The following PCDH15 variants were observed in gnomAD, a reference collection of about 807,000 sequenced individuals.
PCDH15 encodes protocadherin related 15.
In PCDH15, 129 loss-of-function variants were observed where a neutral mutation model predicts 178.5. The ratio of observed to expected loss-of-function variants is 0.72; its 90% CI spans 0.63 to 0.84. The LOEUF is 0.84. PCDH15 is among the 40% of genes least tolerant of loss of function. The pLI, the probability that PCDH15 is intolerant of heterozygous loss-of-function variation, is 0.00. For synonymous variants in PCDH15, 800 were observed against 732.0 expected (o/e 1.09, Z -1.50); for missense variants, 2,230 against 2,099.9 (o/e 1.06, Z -1.21).
At chr10:55,234,621 T>C (rs1016770303) in intron 1 of PCDH15, among the ~76,000 whole-genome samples, 5 of 152,004 alleles carry the variant, frequency 3.3e-5, no homozygotes, top group Admixed American at 2.6e-4. Context: ...CCTCAAGCAA[T>C]CCACCTACCT....
At chr10:55,001,718 G>A (rs1839800102) in intron 2 of PCDH15, among the ~76,000 whole-genome samples, 2 of 152,072 alleles carry the variant, frequency 1.3e-5, no homozygotes, top group African/African-American at 4.8e-5. Flanking sequence ...ATCCAGGCTG[G>A]TAGCACAATC....
intron 8 of PCDH15, among the ~76,000 whole-genome samples, chr10:54,259,175 T>A (rs1387786362): frequency 6.6e-6 from 1 of 152,194 alleles, no homozygotes; most frequent in Admixed American, 6.6e-5. Context: ...AGTAATAAAT[T>A]GCATGGCATT....
chr10:55,551,222 T>C (rs1841997540), intron 2 of PCDH15, among the ~76,000 whole-genome samples: 1 of 152,042 alleles, frequency 6.6e-6, no homozygotes, highest in Non-Finnish European at 1.5e-5. Flanking sequence ...AAATAGAAGC[T>C]ATCTGTAGTA....
At chr10:55,028,323 A>C (rs995666334) in intron 2 of PCDH15, among the ~76,000 whole-genome samples, 14 of 152,030 alleles carry the variant, frequency 9.2e-5, no homozygotes, top group Middle Eastern at 3.4e-3. Flanking sequence ...ATAAAAAGTA[A>C]GTAAATCTAA....
intron 14 of PCDH15, among the ~76,000 whole-genome samples, chr10:54,141,792 G>T (rs1459992867): frequency 2.0e-5 from 3 of 152,152 alleles, no homozygotes; most frequent in Non-Finnish European, 4.4e-5. Flanking sequence ...GTGTTGCACT[G>T]GTTTGAAGAG....
chr10:54,228,979 A>C (rs1462258436), intron 9 of PCDH15, among the ~76,000 whole-genome samples: 3 of 152,188 alleles, frequency 2.0e-5, no homozygotes, highest in African/African-American at 7.2e-5. Flanking sequence ...TTTAGTTTAC[A>C]TTTGGCCAGT....
At chr10:55,190,225 G>C (rs139456301) in intron 1 of PCDH15, among the ~76,000 whole-genome samples, 1 of 151,050 alleles carries the variant, frequency 6.6e-6, no homozygotes, top group African/African-American at 2.4e-5. Flanking sequence ...AGTCAGAATA[G>C]TGTTACATAT....
At position 55,035,356 on chromosome 10, in the gene PCDH15, T is replaced by C. The variant is rs1019759147; in HGVS notation, c.-80+131220A>G. Among the ~76,000 whole-genome samples, 46 of 152,172 alleles carry C rather than the reference T, an allele frequency of 3.0e-4. 1 individual carries two copies. The highest frequency in any genetic ancestry group is 6.2e-4 in the Non-Finnish European group (42 of 68,014). ...AAAACTTCCTGGGCATAGCCTATCTTGTCTTTCCTTACACTGATTCATTTT... is the reference window on the plus strand; with the variant it reads ...AAAACTTCCTGGGCATAGCCTATCTCGTCTTTCCTTACACTGATTCATTTT... On this transcript the variant is annotated intron_variant, in intron 2 of 5. Transcript: ENST00000458638.
intron 2 of PCDH15, among the ~76,000 whole-genome samples, chr10:54,948,001 C>A (rs1414303830): frequency 6.6e-6 from 1 of 151,830 alleles, no homozygotes; most frequent in Non-Finnish European, 1.5e-5. Context: ...TCTTCATAGA[C>A]TATTTGTATA....
chr10:53,878,364 T>C (rs901989363), intron 26 of PCDH15, among the ~76,000 whole-genome samples: 2 of 119,700 alleles, frequency 1.7e-5, no homozygotes, highest in African/African-American at 9.3e-5. Context: ...TATATACTCA[T>C]ATAATATATT....
intron 2 of PCDH15, among the ~76,000 whole-genome samples, chr10:55,341,142 C>T (rs1174948512): frequency 1.3e-5 from 2 of 151,800 alleles, no homozygotes; most frequent in Non-Finnish European, 1.5e-5. Context: ...ATATAATACC[C>T]TTGGTACAAA....
chr10:54,378,865 C>T lies in PCDH15; in HGVS notation c.235G>A (p.Asp79Asn). Residue 79 changes from aspartate to asparagine, a missense_variant, in exon 4 of 38, where the codon GAT becomes AAT. By Grantham distance (23) the Asp-to-Asn change is conservative. Transcript: ENST00000644397. ...ATCAACACCCAGTAATCCACATTAT[C>T]CTTTAAAGAAAGTTCTATGGTGGGG... ...PDPTIELSLK[D>N]NVDYWVLMDP... 2 of 1,613,808 alleles carry T rather than the reference C, an allele frequency of 1.2e-6. No individual in the cohort carries two copies. Among genetic ancestry groups the T allele is most frequent in the Non-Finnish European group, 1.7e-6 (2 of 1,179,816 alleles).
intron 2 of PCDH15, among the ~76,000 whole-genome samples, chr10:54,530,885 GTGTT>G (rs1340216357): frequency 3.3e-5 from 5 of 152,140 alleles, no homozygotes; most frequent in Admixed American, 6.5e-5. Context: ...TCATAACAAA[GTGTT>G]TGTTTTTAAA....
intron 37 of PCDH15, chr10:53,808,846 T>C (rs768854897): frequency 2.5e-6 from 4 of 1,609,792 alleles, no homozygotes; most frequent in Non-Finnish European, 3.4e-6. Flanking sequence ...TGATTCCTCC[T>C]CACTTTCCAC....
At chr10:54,795,583 G>C (rs1379839290) in intron 1 of PCDH15, among the ~76,000 whole-genome samples, 2 of 151,790 alleles carry the variant, frequency 1.3e-5, no homozygotes, top group African/African-American at 4.8e-5. Flanking sequence ...TATTTATTGA[G>C]TACTTACCAA....
intron 2 of PCDH15, among the ~76,000 whole-genome samples, chr10:55,162,727 T>C (rs1430990750): frequency 6.6e-6 from 1 of 152,110 alleles, no homozygotes; most frequent in Non-Finnish European, 1.5e-5. Context: ...TTGCGACCTC[T>C]TTCTGGTAAT....
At chr10:54,964,470 C>T (rs1838732512) in intron 2 of PCDH15, among the ~76,000 whole-genome samples, 1 of 152,044 alleles carries the variant, frequency 6.6e-6, no homozygotes, top group Non-Finnish European at 1.5e-5. Context: ...CTGTATCAGC[C>T]TGGAAAAATA....
chr10:55,326,746 A>T (rs1051234364), intron 2 of PCDH15, among the ~76,000 whole-genome samples: 7 of 152,092 alleles, frequency 4.6e-5, no homozygotes, highest in Admixed American at 4.6e-4. Flanking sequence ...AATCTAACAC[A>T]TACCTAACAG....
At chr10:53,913,921 A>G (rs1482668020) in intron 25 of PCDH15, among the ~76,000 whole-genome samples, 1 of 152,182 alleles carries the variant, frequency 6.6e-6, no homozygotes, top group Non-Finnish European at 1.5e-5. Flanking sequence ...TTACCAGAAA[A>G]AATCAAACAA....
Sources: gnomAD v4.1 joint callset for allele counts (sites outside exome capture counted in the v4.1 genomes callset) on GRCh38, gnomAD v4.1.1 for gene constraint, MANE v1.5 for transcripts, NCBI Gene and HGNC (gene_info 2026-07-23, HGNC 2026-07-21) for gene names.